Variants in MASP1 observed in about 807,000 individuals in gnomAD.
The protein encoded by MASP1 is mannan-binding lectin serine protease 1.
Under a neutral mutation model 77.1 loss-of-function variants are expected in MASP1, and 59 were observed. The observed-to-expected ratio is 0.77, with a 90% confidence interval of 0.62 to 0.95. The LOEUF (loss-of-function observed/expected upper bound fraction) is 0.95. Ranked by LOEUF, MASP1 falls within the 40% of genes least tolerant of loss-of-function variation. The probability of loss-of-function intolerance (pLI) is 0.00; values close to 1 mark genes in which losing one functional copy is unlikely to be tolerated. For synonymous variants in MASP1, 362 were observed against 354.5 expected (o/e 1.02, Z -0.24); for missense variants, 885 against 912.9 (o/e 0.97, Z 0.39).
intron 8 of MASP1, among the ~76,000 whole-genome samples, chr3:187,249,861 G>C (rs926079156): frequency 6.6e-6 from 1 of 152,200 alleles, no homozygotes; most frequent in Non-Finnish European, 1.5e-5. Flanking sequence ...AGGGGATATG[G>C]CTGATGGCCA....
At chr3:187,225,641 C>T in intron 12 of MASP1, 3 of 858,612 alleles carry the variant, frequency 3.5e-6, no homozygotes, top group Non-Finnish European at 5.8e-6. Context: ...CCTTCATCCA[C>T]CTTTCCCAGA....
intron 5 of MASP1, among the ~76,000 whole-genome samples, chr3:187,254,422 G>A (rs1714894926): frequency 6.6e-6 from 1 of 152,154 alleles, no homozygotes; most frequent in Non-Finnish European, 1.5e-5. Context: ...AACTGCATAT[G>A]TAAAGGTCAA....
intron 10 of MASP1, among the ~76,000 whole-genome samples, chr3:187,240,296 G>A (rs370557103): frequency 9.2e-5 from 14 of 152,080 alleles, no homozygotes; most frequent in African/African-American, 3.4e-4. Flanking sequence ...AATACACTAT[G>A]TCAGTTTACC....
chr3:187,261,227 C>T (rs1295609016), intron 3 of MASP1, among the ~76,000 whole-genome samples: 2 of 152,138 alleles, frequency 1.3e-5, no homozygotes, highest in Non-Finnish European at 2.9e-5. Flanking sequence ...TTACTAGTCA[C>T]ATTCTATGGA....
At position 187,243,548 on chromosome 3, in the gene MASP1, T is replaced by C. The variant is rs764991678; in HGVS notation, c.1164A>G (p.Thr388=). The part of the protein sequence containing the change: ...ITFSTRNNLT[T]YKSEIKYSCQ... ...AGGAGTATTTGATCTCAGACTTGTA[T>C]GTGGTGAGGTTGTTCCTTGTAGAGA... is the stretch of plus-strand genomic sequence containing the variant. Residue 388 remains threonine (T), a synonymous_variant, in exon 9 of 11, where the codon ACA becomes ACG. Coordinates refer to ENST00000296280, the MANE Select transcript of MASP1 (RefSeq NM_139125.4). The C allele has an allele frequency of 9.9e-6, 16 of 1,614,146 alleles. No homozygotes were observed. Among genetic ancestry groups the C allele is most frequent in the Non-Finnish European group, 1.4e-5 (16 of 1,179,986 alleles).
chr3:187,265,285 G>C (rs1560023817), intron 2 of MASP1, among the ~76,000 whole-genome samples: 1 of 152,100 alleles, frequency 6.6e-6, no homozygotes, highest in Non-Finnish European at 1.5e-5. Context: ...GTGCCTCTTG[G>C]GTTCTGCAGT....
intron 10 of MASP1, among the ~76,000 whole-genome samples, chr3:187,238,311 T>C (rs1018324878): frequency 5.3e-5 from 8 of 152,248 alleles, no homozygotes; most frequent in Admixed American, 3.3e-4. Context: ...GCAAGTGACT[T>C]ACTCAAGGTT....
chr3:187,267,911 C>CGT (rs1553781172), intron 2 of MASP1, among the ~76,000 whole-genome samples: 1 of 152,196 alleles, frequency 6.6e-6, no homozygotes. Context: ...TCTATAATTA[C>CGT]GAGTTCTAAT....
exon 16 of MASP1, chr3:187,218,729 A>T (rs920344759): frequency 2.0e-5 from 3 of 152,474 alleles, no homozygotes; most frequent in Non-Finnish European, 2.9e-5. Context: ...GAAGACAGGA[A>T]CTTGGAGCTT....
chr3:187,258,474 T>G (rs1196328484), intron 4 of MASP1, among the ~76,000 whole-genome samples: 2 of 152,226 alleles, frequency 1.3e-5, no homozygotes, highest in South Asian at 2.1e-4. Flanking sequence ...CTTATGAATA[T>G]TCACAGCTCC....
At chr3:187,221,204 G>C in intron 14 of MASP1, 2 of 1,125,920 alleles carry the variant, frequency 1.8e-6, no homozygotes, top group Non-Finnish European at 2.6e-6. Context: ...CACCCCTGAA[G>C]ACGGCTCCTC....
intron 2 of MASP1, among the ~76,000 whole-genome samples, chr3:187,279,107 C>T (rs974233555): frequency 5.3e-5 from 8 of 152,262 alleles, no homozygotes; most frequent in African/African-American, 1.7e-4. Context: ...ATACACTTTG[C>T]GTGTTAAATA....
chr3:187,243,751 C>T lies in MASP1; in HGVS notation c.1091-130G>A, dbSNP rs1713851540. 3.5e-6 allele frequency: 4 copies of T among 1,135,990 alleles called. No homozygotes were observed. The South Asian group carries it at 5.0e-5, about 14-fold the overall frequency. The allele number at this position is 1,135,990 out of a possible 1,614,324, so 70.4% of individuals were successfully genotyped here. A position where few individuals can be genotyped will look rare whatever the true frequency, so the allele number is the denominator to read the frequency against. ...ATTCCAGAAAGCAATGTTATAATGCCTCTGAAGGGCACCCCTGGGGTGTGC... is the reference window on the plus strand; with the variant it reads ...ATTCCAGAAAGCAATGTTATAATGCTTCTGAAGGGCACCCCTGGGGTGTGC... On this transcript the variant is annotated intron_variant, in intron 8 of 10. Coordinates refer to ENST00000296280, the MANE Select transcript of MASP1 (RefSeq NM_139125.4).
At chr3:187,240,436 C>T (rs906757037) in intron 10 of MASP1, among the ~76,000 whole-genome samples, 26 of 152,002 alleles carry the variant, frequency 1.7e-4, no homozygotes, top group African/African-American at 5.6e-4. Flanking sequence ...TCAATGCTGT[C>T]TTGAGTGATT....
exon 16 of MASP1, chr3:187,217,686 G>A (rs1711843873): frequency 6.6e-6 from 1 of 152,202 alleles, no homozygotes; most frequent in Non-Finnish European, 1.5e-5. Flanking sequence ...ATGGCTCTGT[G>A]AGAGATCTGG....
Position 187,260,474 on chromosome 3 carries a change from A to T in MASP1, c.547+267T>A, listed in dbSNP as rs149763659. On this transcript the variant is annotated intron_variant, in intron 4 of 10. Coordinates refer to ENST00000296280, the MANE Select transcript of MASP1 (RefSeq NM_139125.4). ...CCAGACCAATTGCCTACAATAGGAT[A>T]GGAGACAGCAACCTGTATAGTGAAA... Among the ~76,000 whole-genome samples, 1,265 of 152,314 alleles carry T rather than the reference A, an allele frequency of 8.3e-3. 19 individuals are homozygous for T. The highest frequency in any genetic ancestry group is 0.029 in the African/African-American group (1,212 of 41,568).
rs114318789 is a variant in MASP1, at chr3:187,238,048, A to G, written c.1304-1481T>C. Among the ~76,000 whole-genome samples, 1,370 of 152,264 alleles carry G rather than the reference A, an allele frequency of 9.0e-3. 19 individuals carry two copies. The highest frequency in any genetic ancestry group is 0.011 in the Non-Finnish European group (768 of 68,020). ...TTCAAAGTTGAGGGTCAGCCTTCCA[A>G]TTACAAGTAGCAAGCTGCAAGGCAA... is the stretch of plus-strand genomic sequence containing the variant. On this transcript the variant is annotated intron_variant, in intron 10 of 10. Coordinates refer to ENST00000296280, the MANE Select transcript of MASP1 (RefSeq NM_139125.4).
At chr3:187,288,511 AG>A (rs1718035719) in intron 1 of MASP1, among the ~76,000 whole-genome samples, 1 of 152,236 alleles carries the variant, frequency 6.6e-6, no homozygotes, top group Non-Finnish European at 1.5e-5. Flanking sequence ...TCCATTAAGT[AG>A]TAATAATAAC....
chr3:187,250,488 G>T (rs996770035), intron 7 of MASP1, among the ~76,000 whole-genome samples, 159 bp from the exon 8 acceptor site: 17 of 152,178 alleles, frequency 1.1e-4, no homozygotes, highest in Admixed American at 6.5e-4. Flanking sequence ...GTAGGGGAAA[G>T]ATACATGCTG....
Sources: allele counts gnomAD v4.1 joint callset (sites outside exome capture counted in the v4.1 genomes callset), GRCh38; gene constraint gnomAD v4.1.1; transcripts MANE v1.5; gene names NCBI Gene and HGNC (gene_info 2026-07-23, HGNC 2026-07-21).